EPHA3: variants seen among roughly 807,000 people sequenced by gnomAD.
The protein encoded by EPHA3 is EPH receptor A3.
EPHA3 carries 42 observed loss-of-function variants against 107.1 expected under a neutral mutation model. That is an observed-to-expected ratio of 0.39 (90% CI 0.31 to 0.51). The LOEUF is 0.51. EPHA3 is among the 20% of genes least tolerant of loss of function. The pLI, the probability that EPHA3 is intolerant of heterozygous loss-of-function variation, is 0.78. For synonymous variants in EPHA3, 461 were observed against 424.8 expected, an observed-to-expected ratio of 1.09 and a Z score of -1.05; for missense variants, 1,183 against 1,211.2, an observed-to-expected ratio of 0.98 and a Z score of 0.35.
chr3:89,166,941 A>G (rs1373779919), intron 2 of EPHA3, among the ~76,000 whole-genome samples: 3 of 152,138 alleles, frequency 2.0e-5, no homozygotes. Context: ...TTATCTGACA[A>G]GTCACAGGCA....
intron 3 of EPHA3, among the ~76,000 whole-genome samples, chr3:89,226,365 T>C (rs1704503999): frequency 1.3e-5 from 2 of 152,168 alleles, no homozygotes; most frequent in South Asian, 2.1e-4. Flanking sequence ...ACTTTATAAG[T>C]GTTAGGTTTA....
chr3:89,293,318 A>C (rs1706262698), intron 3 of EPHA3, among the ~76,000 whole-genome samples: 1 of 152,072 alleles, frequency 6.6e-6, no homozygotes, highest in Admixed American at 6.6e-5. Flanking sequence ...TTTCATTCTC[A>C]TATTAGAATC....
At chr3:89,145,602 T>C (rs950127959) in intron 2 of EPHA3, among the ~76,000 whole-genome samples, 1 of 151,868 alleles carries the variant, frequency 6.6e-6, no homozygotes, top group African/African-American at 2.4e-5. Flanking sequence ...ACTAAGTTGA[T>C]TTAAATGAGT....
At chr3:89,444,957 A>G (rs1481088546) in intron 13 of EPHA3, among the ~76,000 whole-genome samples, 2 of 152,180 alleles carry the variant, frequency 1.3e-5, no homozygotes, top group African/African-American at 4.8e-5. Flanking sequence ...TATTGAATAC[A>G]TTCTGGGCTA....
chr3:89,332,219 A>G (rs1707304086), intron 3 of EPHA3, among the ~76,000 whole-genome samples: 1 of 152,184 alleles, frequency 6.6e-6, no homozygotes, highest in Admixed American at 6.5e-5. Context: ...TGGACAGCCA[A>G]AAAGCTGGCA....
chr3:89,237,767 G>A (rs1704801316), intron 3 of EPHA3, among the ~76,000 whole-genome samples: 1 of 151,630 alleles, frequency 6.6e-6, no homozygotes, highest in African/African-American at 2.4e-5. Context: ...GGAATTCAAG[G>A]GCAGCCTGGG....
intron 3 of EPHA3, among the ~76,000 whole-genome samples, chr3:89,278,374 A>G (rs1312730691): frequency 6.6e-6 from 1 of 152,098 alleles, no homozygotes; most frequent in Non-Finnish European, 1.5e-5. Flanking sequence ...TAGGAAATCA[A>G]CCTGTCAAGA....
chr3:89,247,685 G>A (rs936084877), intron 3 of EPHA3, among the ~76,000 whole-genome samples: 13 of 152,188 alleles, frequency 8.5e-5, no homozygotes, highest in Non-Finnish European at 1.8e-4. Context: ...TGAAAAAAGT[G>A]ATGAGTTCAG....
At chr3:89,164,280 C>G (rs1705013035) in intron 2 of EPHA3, among the ~76,000 whole-genome samples, 2 of 151,998 alleles carry the variant, frequency 1.3e-5, no homozygotes, top group Admixed American at 6.6e-5. Flanking sequence ...AAATAATCAC[C>G]AAAAAACTTA....
chr3:89,206,078 G>C (rs1352750882), intron 2 of EPHA3, among the ~76,000 whole-genome samples: 1 of 152,076 alleles, frequency 6.6e-6, no homozygotes, highest in East Asian at 1.9e-4. Context: ...TTAGAGACTT[G>C]TTGTTTTCGC....
intron 16 of EPHA3, among the ~76,000 whole-genome samples, chr3:89,478,762 A>G (rs1240828587): frequency 1.3e-5 from 2 of 152,184 alleles, no homozygotes; most frequent in Non-Finnish European, 2.9e-5. Context: ...GAAAGAGATA[A>G]AACCCCACAA....
intron 3 of EPHA3, among the ~76,000 whole-genome samples, chr3:89,317,478 T>C (rs1706935621): frequency 6.6e-6 from 1 of 151,746 alleles, no homozygotes; most frequent in Non-Finnish European, 1.5e-5. Context: ...CAAAATATTA[T>C]AAAATGAACT....
chr3:89,430,052 C>A (rs567949289), intron 12 of EPHA3, among the ~76,000 whole-genome samples: 3 of 152,154 alleles, frequency 2.0e-5, no homozygotes, highest in Admixed American at 6.6e-5. Context: ...GCATGAGCCA[C>A]CGCACCTGGC....
intron 3 of EPHA3, among the ~76,000 whole-genome samples, chr3:89,234,062 T>G (rs1215442700): frequency 1.3e-5 from 2 of 152,200 alleles, no homozygotes; most frequent in Non-Finnish European, 2.9e-5. Flanking sequence ...TTTTAGAGTT[T>G]CACTTCTTGT....
rs1259248803 is a variant in EPHA3, at chr3:89,288,358, A to G, written c.815-52558A>G. 7.2e-5 allele frequency among the ~76,000 whole-genome samples: 11 copies of G among 152,278 alleles called. No individual in the cohort carries two copies. The East Asian group carries it at 1.7e-3, about 24-fold the overall frequency. ...ACTGGTAATATGCCTTCCTGACACAAATATAGAGCTATGATGCTGTATAAT... is the reference window on the plus strand; with the variant it reads ...ACTGGTAATATGCCTTCCTGACACAGATATAGAGCTATGATGCTGTATAAT... On this transcript the variant is annotated intron_variant, in intron 3 of 16. Transcript: ENST00000336596.
chr3:89,431,002 T>A, intron 12 of EPHA3, 148 bp from the exon 13 acceptor site: 1 of 678,266 alleles, frequency 1.5e-6, no homozygotes. Context: ...TGTATCCATT[T>A]GCCACATATC....
chr3:89,472,635 T>A lies in EPHA3; in HGVS notation c.2846+16T>A. 6.2e-7 allele frequency: 1 copy of A among 1,601,154 alleles called. No homozygotes were observed. Among genetic ancestry groups the A allele is most frequent in the Non-Finnish European group, 8.5e-7 (1 of 1,174,392 alleles). ...TTTCCACAGAGTAAGAAAAAAAAAT[T>A]CATTAAGAAGAATGAAGGATTCTTT... On this transcript the variant is annotated intron_variant, in intron 16 of 16. Transcript: ENST00000336596.
At chr3:89,126,045 G>A (rs1247182807) in intron 1 of EPHA3, among the ~76,000 whole-genome samples, 1 of 151,598 alleles carries the variant, frequency 6.6e-6, no homozygotes, top group Admixed American at 6.6e-5. Context: ...AAAGGATGGT[G>A]CTTTTCATGT....
At chr3:89,270,310 T>C (rs918216465) in intron 3 of EPHA3, among the ~76,000 whole-genome samples, 2 of 152,054 alleles carry the variant, frequency 1.3e-5, no homozygotes, top group African/African-American at 2.4e-5. Context: ...AACTAGGCTA[T>C]TGGTTTACCT....
Sources: gnomAD v4.1 joint callset for allele counts (sites outside exome capture counted in the v4.1 genomes callset) on GRCh38, gnomAD v4.1.1 for gene constraint, MANE v1.5 for transcripts, NCBI Gene and HGNC (gene_info 2026-07-23, HGNC 2026-07-21) for gene names.